The following BACH2 variants were observed in gnomAD, a reference collection of about 807,000 sequenced individuals.
The protein encoded by BACH2 is BACH transcriptional regulator 2.
Under a neutral mutation model 61.8 loss-of-function variants are expected in BACH2, and 5 were observed. The observed-to-expected ratio is 0.08, with a 90% CI of 0.04 to 0.17. The LOEUF (loss-of-function observed/expected upper bound fraction) is 0.17, where lower values mean the gene tolerates loss of function less well. BACH2 is among the 10% of genes least tolerant of loss of function. The probability of loss-of-function intolerance (pLI) is 1.00; values close to 1 mark genes in which losing one functional copy is unlikely to be tolerated. For synonymous variants in BACH2, 446 were observed against 440.1 expected, an observed-to-expected ratio of 1.01 and a Z score of -0.17; for missense variants, 824 against 1,091.1, an observed-to-expected ratio of 0.76 and a Z score of 3.45.
chr6:90,034,604 C>G (rs1779173255), intron 5 of BACH2, among the ~76,000 whole-genome samples: 1 of 152,120 alleles, frequency 6.6e-6, no homozygotes, highest in Non-Finnish European at 1.5e-5. Flanking sequence ...ATAATTCATT[C>G]AGCAATAAAG....
At chr6:90,076,791 C>T (rs757836614) in intron 5 of BACH2, among the ~76,000 whole-genome samples, 55 of 152,128 alleles carry the variant, frequency 3.6e-4, no homozygotes, top group Non-Finnish European at 6.6e-4. Flanking sequence ...CACCTTCCTC[C>T]GTGCCCTTCT....
chr6:90,081,560 T>C (rs991675935), intron 5 of BACH2, among the ~76,000 whole-genome samples: 5 of 152,234 alleles, frequency 3.3e-5, no homozygotes, highest in South Asian at 4.2e-4. Flanking sequence ...TAATCCAATA[T>C]ACACTGAGTT....
intron 5 of BACH2, among the ~76,000 whole-genome samples, chr6:90,088,600 A>C (rs1326489564): frequency 6.6e-6 from 1 of 152,210 alleles, no homozygotes; most frequent in Non-Finnish European, 1.5e-5. Flanking sequence ...CACATGAGTT[A>C]AAGCAGTGAT....
intron 1 of BACH2, among the ~76,000 whole-genome samples, chr6:90,296,106 C>T (rs573619550): frequency 8.3e-4 from 126 of 152,114 alleles, no homozygotes; most frequent in African/African-American, 2.9e-3. Context: ...CTCGCGCGGA[C>T]GCGCGCCTCC....
intron 5 of BACH2, among the ~76,000 whole-genome samples, chr6:90,072,478 T>C (rs1229384638): frequency 3.3e-5 from 5 of 152,230 alleles, no homozygotes; most frequent in Non-Finnish European, 5.9e-5. Flanking sequence ...CTAAGGCTGT[T>C]AGTCACAAAC....
At position 89,929,687 on chromosome 6, in the gene BACH2, C is replaced by T. The variant is rs895398798; in HGVS notation, c.*2721G>A. On this transcript the variant is annotated 3_prime_UTR_variant, in exon 9 of 9. Coordinates refer to ENST00000257749, the MANE Select transcript of BACH2 (RefSeq NM_021813.4). ...GGAGAGAAATAAAGAGGCCCCGCCCCTGCTAGAAATGGCTGCCAAACAGGT... is the reference window on the plus strand; with the variant it reads ...GGAGAGAAATAAAGAGGCCCCGCCCTTGCTAGAAATGGCTGCCAAACAGGT... The T allele has an allele frequency of 1.3e-5, 2 of 152,290 alleles. No individual in the cohort carries two copies. Among genetic ancestry groups the T allele is most frequent in the African/African-American group, 2.4e-5 (1 of 41,406 alleles). The allele number at this position is 152,290 out of a possible 1,614,324, so 9.4% of individuals were successfully genotyped here.
chr6:90,020,256 C>T (rs1370192640), intron 5 of BACH2, among the ~76,000 whole-genome samples: 2 of 152,138 alleles, frequency 1.3e-5, no homozygotes, highest in African/African-American at 4.8e-5. Flanking sequence ...GGGTGCATTG[C>T]TATGGGTTGA....
intron 5 of BACH2, chr6:90,080,620 C>G (rs1289777883): frequency 3.1e-6 from 1 of 326,942 alleles, no homozygotes; most frequent in Non-Finnish European, 4.4e-6. Flanking sequence ...AATTAAAATG[C>G]TTGTTCCTCT....
At chr6:90,245,352 A>T (rs1770597151) in intron 3 of BACH2, among the ~76,000 whole-genome samples, 2 of 152,206 alleles carry the variant, frequency 1.3e-5, no homozygotes, top group South Asian at 4.1e-4. Context: ...GTACTTTTGG[A>T]GGCCAAGGCA....
At chr6:89,958,864 C>A (rs747904229) in intron 6 of BACH2, among the ~76,000 whole-genome samples, 11 of 152,094 alleles carry the variant, frequency 7.2e-5, no homozygotes, top group Non-Finnish European at 1.3e-4. Context: ...CTTTCCTGGT[C>A]CTCTATTCAC....
At chr6:90,103,488 G>A (rs968963661) in intron 4 of BACH2, among the ~76,000 whole-genome samples, 5 of 152,070 alleles carry the variant, frequency 3.3e-5, no homozygotes, top group East Asian at 1.9e-4. Context: ...AAAGAAAATC[G>A]GATTTGTGTG....
chr6:90,277,261 T>C (rs990853075), intron 1 of BACH2, among the ~76,000 whole-genome samples: 1 of 152,192 alleles, frequency 6.6e-6, no homozygotes. Context: ...AATTAATAAA[T>C]AGTGGTATAG....
intron 5 of BACH2, among the ~76,000 whole-genome samples, chr6:90,085,876 G>A (rs181402166): frequency 2.0e-5 from 3 of 152,026 alleles, no homozygotes; most frequent in Admixed American, 1.3e-4. Context: ...TGTGCATTTC[G>A]GTGGCATTAA....
At chr6:89,989,618 G>T (rs888737103) in intron 6 of BACH2, among the ~76,000 whole-genome samples, 3 of 152,090 alleles carry the variant, frequency 2.0e-5, no homozygotes, top group Non-Finnish European at 4.4e-5. Flanking sequence ...CTGGCAGGTG[G>T]GCTCAAGGCT....
intron 4 of BACH2, among the ~76,000 whole-genome samples, chr6:90,122,738 C>A (rs897751555): frequency 5.9e-5 from 9 of 152,202 alleles, no homozygotes; most frequent in African/African-American, 1.9e-4. Context: ...GCTCTCCCAG[C>A]CCCTCTGATG....
chr6:90,141,466 C>T (rs564900571), intron 4 of BACH2, among the ~76,000 whole-genome samples: 2 of 151,460 alleles, frequency 1.3e-5, no homozygotes, highest in Admixed American at 6.6e-5. Context: ...CAGGTGTAAG[C>T]CACCATACCC....
rs536850561 is a variant in BACH2 at position 90,167,049 on chromosome 6, A to C, written c.-162+39520T>G. 2.6e-5 allele frequency among the ~76,000 whole-genome samples: 4 copies of C among 152,302 alleles called. No homozygotes were observed. In the East Asian group the frequency reaches 7.7e-4, roughly 29 times the overall value. ...TGTGCACATGTACCCTAAAACTTAA[A>C]GTATAATAATAATAATAATAAATTT... On this transcript the variant is annotated intron_variant, in intron 4 of 8. Transcript: ENST00000257749.
rs1430716850 is a variant in BACH2, at chr6:89,972,396, C to T, written c.244-20534G>A. ...AGAGGCCATTAGGAGGAAGAGTTGG[C>T]GAAGTCTGAGAGTATAGGCCAATTC... On this transcript the variant is annotated intron_variant, in intron 6 of 8. Coordinates refer to ENST00000257749, the MANE Select transcript of BACH2 (RefSeq NM_021813.4). Among the ~76,000 whole-genome samples, 6 of 151,960 alleles carry T rather than the reference C, an allele frequency of 3.9e-5. No homozygotes were observed. In the South Asian group the frequency reaches 6.2e-4, roughly 16 times the overall value.
intron 6 of BACH2, among the ~76,000 whole-genome samples, chr6:89,970,730 G>A (rs367925547): frequency 1.3e-5 from 2 of 152,094 alleles, no homozygotes; most frequent in South Asian, 2.1e-4. Context: ...AAGCACTGCC[G>A]AGCTGGCTGG....
Sources: allele counts gnomAD v4.1 joint callset (sites outside exome capture counted in the v4.1 genomes callset), GRCh38; gene constraint gnomAD v4.1.1; transcripts MANE v1.5; gene names NCBI Gene and HGNC (gene_info 2026-07-23, HGNC 2026-07-21).